DISC1: variants seen among roughly 807,000 people sequenced by gnomAD.
DISC1 encodes DISC1 scaffold protein, also known as disrupted in schizophrenia 1 protein.
Under a neutral mutation model 84.5 loss-of-function variants are expected in DISC1, and 57 were observed. The observed-to-expected ratio is 0.67, with a 90% CI of 0.55 to 0.84. The LOEUF (loss-of-function observed/expected upper bound fraction) is 0.84, where lower values mean the gene tolerates loss of function less well. Among genes scored for constraint, DISC1 ranks in the 40% least tolerant of loss-of-function variants. The pLI is 0.00. For missense variants in DISC1, 1,000 were observed against 1,057.8 expected, an observed-to-expected ratio of 0.95 and a Z score of 0.76; for synonymous variants, 411 against 415.2, an observed-to-expected ratio of 0.99 and a Z score of 0.12.
chr1:231,971,486 G>A (rs1371943581), intron 10 of DISC1, among the ~76,000 whole-genome samples: 2 of 152,172 alleles, frequency 1.3e-5, no homozygotes, highest in Non-Finnish European at 2.9e-5. Context: ...CGTGGCAAAT[G>A]TAGGTTAGAC....
At chr1:231,835,417 C>A (rs1005076490) in intron 9 of DISC1, among the ~76,000 whole-genome samples, 2 of 151,978 alleles carry the variant, frequency 1.3e-5, no homozygotes, top group Non-Finnish European at 2.9e-5. Context: ...GGGGGTTGTT[C>A]TTTGGCGGGC....
chr1:231,797,345 T>A (rs576744030), intron 7 of DISC1, among the ~76,000 whole-genome samples: 1 of 152,208 alleles, frequency 6.6e-6, no homozygotes, highest in Non-Finnish European at 1.5e-5. Flanking sequence ...TTTGTTTGCA[T>A]ACAGTCCTAC....
chr1:232,018,242 C>T (rs1038097124), intron 11 of DISC1, among the ~76,000 whole-genome samples: 1 of 152,194 alleles, frequency 6.6e-6, no homozygotes, highest in African/African-American at 2.4e-5. Context: ...ATCAAAACAA[C>T]CATTATTATT....
rs35448234 is a variant in DISC1 at position 232,027,793 on chromosome 1, C to CTGTGTGTGTGTG, written c.2425+1267_2425+1278dup. ...TCCAGTTTTTACCATACTTTATGGG[C>CTGTGTGTGTGTG]TGTGTGTGTGTGTGTGTGTGTGTGT... On this transcript the variant is annotated intron_variant, in intron 12 of 12. Coordinates refer to ENST00000439617, the MANE Select transcript of DISC1 (RefSeq NM_018662.3). Among the ~76,000 whole-genome samples the CTGTGTGTGTGTG allele has an allele frequency of 2.9e-3, 409 of 143,430 alleles. 2 individuals are homozygous for CTGTGTGTGTGTG. Among genetic ancestry groups the CTGTGTGTGTGTG allele is most frequent in the African/African-American group, 9.4e-3 (367 of 38,948 alleles). The allele number at this position is 143,430 out of a possible 152,430, so 94.1% of individuals were successfully genotyped here.
intron 9 of DISC1, among the ~76,000 whole-genome samples, chr1:231,869,538 G>A (rs2085304024): frequency 6.6e-6 from 1 of 151,898 alleles, no homozygotes; most frequent in African/African-American, 2.4e-5. Context: ...CATGACACTG[G>A]CATCTGCATC....
intron 11 of DISC1, among the ~76,000 whole-genome samples, chr1:232,024,063 G>GTGTA (rs1558846330): frequency 6.7e-6 from 1 of 148,822 alleles, no homozygotes; most frequent in African/African-American, 2.5e-5. Context: ...GTGTATGTGT[G>GTGTA]TATATATATA....
chr1:231,743,143 G>A (rs2073528415), intron 3 of DISC1, among the ~76,000 whole-genome samples: 1 of 152,216 alleles, frequency 6.6e-6, no homozygotes, highest in Non-Finnish European at 1.5e-5. Context: ...ATGGTGGATA[G>A]CAGAGGGAGG....
At chr1:231,973,048 CTT>C (rs397934533) in intron 10 of DISC1, among the ~76,000 whole-genome samples, 31 of 137,046 alleles carry the variant, frequency 2.3e-4, no homozygotes, top group Middle Eastern at 3.9e-3. Context: ...ATGTCTTGTT[CTT>C]TTTTTTTTTT....
At chr1:231,911,806 TACACC>T (rs1490287385) in intron 9 of DISC1, among the ~76,000 whole-genome samples, 1 of 152,228 alleles carries the variant, frequency 6.6e-6, no homozygotes, top group Admixed American at 6.5e-5. Flanking sequence ...TACTTTCAGG[TACACC>T]AATCAGACGT....
At chr1:231,933,152 G>T (rs2126111282) in intron 9 of DISC1, among the ~76,000 whole-genome samples, 1 of 152,282 alleles carries the variant, frequency 6.6e-6, no homozygotes, top group African/African-American at 2.4e-5. Context: ...GGAAGTAATA[G>T]TATTGTCCCA....
chr1:231,812,160 ATCT>A (rs1264549059), intron 8 of DISC1, among the ~76,000 whole-genome samples: 1 of 152,016 alleles, frequency 6.6e-6, no homozygotes, highest in South Asian at 2.1e-4. Context: ...GGCTCAAGTG[ATCT>A]TCTCACCTCA....
intron 9 of DISC1, among the ~76,000 whole-genome samples, chr1:231,831,253 G>C (rs1228227002): frequency 6.6e-6 from 1 of 152,222 alleles, no homozygotes; most frequent in African/African-American, 2.4e-5. Flanking sequence ...ATAGCAGATG[G>C]AACACTGAGA....
At chr1:231,652,303 G>A (rs1436594300) in intron 1 of DISC1, among the ~76,000 whole-genome samples, 1 of 152,120 alleles carries the variant, frequency 6.6e-6, no homozygotes, top group Non-Finnish European at 1.5e-5. Context: ...AGATAAGATT[G>A]TTACTATCAT....
chr1:231,786,823 C>T (rs758513426), intron 6 of DISC1, among the ~76,000 whole-genome samples: 1 of 152,130 alleles, frequency 6.6e-6, no homozygotes, highest in Non-Finnish European at 1.5e-5. Flanking sequence ...GAGGTATGCC[C>T]ACTGCACTGC....
At chr1:231,674,640 C>A (rs2062963366) in intron 1 of DISC1, among the ~76,000 whole-genome samples, 1 of 152,204 alleles carries the variant, frequency 6.6e-6, no homozygotes, top group African/African-American at 2.4e-5. Flanking sequence ...CAGTTCTCTG[C>A]AGTACATTGA....
At chr1:231,808,883 A>G (rs577929512) in intron 8 of DISC1, among the ~76,000 whole-genome samples, 80 of 152,326 alleles carry the variant, frequency 5.3e-4, no homozygotes, top group Non-Finnish European at 1.1e-3. Context: ...CACAGTAGGA[A>G]ACAAATTCAA....
chr1:231,707,147 C>G (rs2067186882), intron 3 of DISC1, among the ~76,000 whole-genome samples: 1 of 152,192 alleles, frequency 6.6e-6, no homozygotes, highest in Non-Finnish European at 1.5e-5. Context: ...GATGTGGATG[C>G]CATCTGGGGG....
intron 4 of DISC1, among the ~76,000 whole-genome samples, chr1:231,766,100 GC>G (rs1392341213): frequency 9.9e-5 from 15 of 151,894 alleles, no homozygotes; most frequent in Admixed American, 7.2e-4. Flanking sequence ...GACCAGCCTG[GC>G]CAACATGGTG....
chr1:231,974,630 A>G (rs980966044), intron 10 of DISC1, among the ~76,000 whole-genome samples: 1 of 152,228 alleles, frequency 6.6e-6, no homozygotes, highest in African/African-American at 2.4e-5. Flanking sequence ...GAAGGGCGGA[A>G]GCATGAATTT....
Sources: gnomAD v4.1 joint callset for allele counts (sites outside exome capture counted in the v4.1 genomes callset) on GRCh38, gnomAD v4.1.1 for gene constraint, MANE v1.5 for transcripts, NCBI Gene and HGNC (gene_info 2026-07-23, HGNC 2026-07-21) for gene names.